The following KHDRBS2 variants were observed in gnomAD, a reference collection of about 807,000 sequenced individuals.
The protein encoded by KHDRBS2 is KH RNA binding domain containing, signal transduction associated 2, also known as KH domain-containing, RNA-binding, signal transduction-associated protein 2.
A neutral mutation model predicts 44.3 loss-of-function variants in KHDRBS2; 26 were observed. The observed-to-expected ratio is 0.59, with a 90% CI of 0.43 to 0.81. The LOEUF (loss-of-function observed/expected upper bound fraction) is 0.81, where lower values mean the gene tolerates loss of function less well. Among genes scored for constraint, KHDRBS2 ranks in the 40% least tolerant of loss-of-function variants. The probability of loss-of-function intolerance (pLI) is 0.00; values close to 1 mark genes in which losing one functional copy is unlikely to be tolerated. For synonymous variants in KHDRBS2, 194 were observed against 151.1 expected (o/e 1.28, Z -2.08); for missense variants, 476 against 433.1 (o/e 1.10, Z -0.88).
chr6:62,262,019 TAA>T (rs1838427812), intron 1 of KHDRBS2, among the ~76,000 whole-genome samples: 1 of 151,766 alleles, frequency 6.6e-6, no homozygotes, highest in African/African-American at 2.4e-5. Context: ...AAGTGTAAGA[TAA>T]TAATTTCCAT....
At chr6:62,117,397 CT>C (rs947537123) in intron 2 of KHDRBS2, among the ~76,000 whole-genome samples, 1 of 151,812 alleles carries the variant, frequency 6.6e-6, no homozygotes, top group African/African-American at 2.4e-5. Context: ...ATTTGGATAT[CT>C]TTTTTTTGAG....
chr6:62,085,759 T>C (rs960847733), intron 2 of KHDRBS2, among the ~76,000 whole-genome samples: 13 of 151,944 alleles, frequency 8.6e-5, no homozygotes, highest in African/African-American at 2.7e-4. Flanking sequence ...AGAGTTAGGG[T>C]TAGGGTTAAT....
At chr6:62,016,142 T>G (rs1370256494) in intron 3 of KHDRBS2, among the ~76,000 whole-genome samples, 2 of 152,170 alleles carry the variant, frequency 1.3e-5, no homozygotes, top group Non-Finnish European at 2.9e-5. Flanking sequence ...CATGGATATT[T>G]TAGTTTCTAG....
At chr6:61,778,817 G>C (rs1344581092) in intron 6 of KHDRBS2, among the ~76,000 whole-genome samples, 1 of 152,140 alleles carries the variant, frequency 6.6e-6, no homozygotes, top group Non-Finnish European at 1.5e-5. Context: ...GAATGGACTA[G>C]CTATTGACTG....
At chr6:62,237,382 T>C (rs1350600926) in intron 1 of KHDRBS2, among the ~76,000 whole-genome samples, 3 of 152,290 alleles carry the variant, frequency 2.0e-5, no homozygotes, top group Middle Eastern at 3.4e-3. Context: ...AACTACTCTC[T>C]AAACTCAAAA....
chr6:61,573,478 T>A, the KHDRBS2 span, among the ~76,000 whole-genome samples: 1 of 152,028 alleles, frequency 6.6e-6, no homozygotes, highest in African/African-American at 2.4e-5. Context: ...AGAAACAACT[T>A]AAAATTGATA....
chr6:61,945,553 A>T (rs372574837), intron 4 of KHDRBS2, among the ~76,000 whole-genome samples: 1 of 152,044 alleles, frequency 6.6e-6, no homozygotes, highest in Non-Finnish European at 1.5e-5. Context: ...GAATATTTTA[A>T]TATAACATTT....
chr6:61,587,363 ATC>A, the KHDRBS2 span, among the ~76,000 whole-genome samples: 123 of 149,408 alleles, frequency 8.2e-4, no homozygotes, highest in African/African-American at 2.2e-3. Flanking sequence ...GCTTTTTTTT[ATC>A]TCTCTCTCTC....
At chr6:62,073,132 T>C (rs1321047043) in intron 2 of KHDRBS2, among the ~76,000 whole-genome samples, 2 of 151,994 alleles carry the variant, frequency 1.3e-5, no homozygotes, top group African/African-American at 4.8e-5. Context: ...GAAAAGATTA[T>C]GAACATTTTA....
chr6:61,667,135 T>C, the KHDRBS2 span, among the ~76,000 whole-genome samples: 2 of 119,024 alleles, frequency 1.7e-5, no homozygotes, highest in East Asian at 2.1e-4. Context: ...CGCAAAGTAC[T>C]TTTTTTTTTT....
chr6:61,687,015 G>A (rs1766890672), intron 8 of KHDRBS2, among the ~76,000 whole-genome samples: 1 of 151,632 alleles, frequency 6.6e-6, no homozygotes, highest in Admixed American at 6.6e-5. Context: ...GCACTGCTCT[G>A]AGCATTTTAA....
At chr6:61,928,212 C>T (rs2127364465) in intron 4 of KHDRBS2, among the ~76,000 whole-genome samples, 1 of 152,202 alleles carries the variant, frequency 6.6e-6, no homozygotes, top group African/African-American at 2.4e-5. Context: ...TATTCAAATG[C>T]AGCATATAAT....
At chr6:61,817,814 C>A (rs1485813410) in intron 6 of KHDRBS2, among the ~76,000 whole-genome samples, 1 of 151,374 alleles carries the variant, frequency 6.6e-6, no homozygotes, top group Non-Finnish European at 1.5e-5. Flanking sequence ...ATTTTTAACA[C>A]TCATTTGGAA....
At chr6:61,926,191 G>A (rs1808942397) in intron 4 of KHDRBS2, among the ~76,000 whole-genome samples, 1 of 152,156 alleles carries the variant, frequency 6.6e-6, no homozygotes, top group Non-Finnish European at 1.5e-5. Flanking sequence ...GGCAAATCAT[G>A]ATAGGAGAAA....
At chr6:61,767,866 G>T (rs147088481) in intron 6 of KHDRBS2, among the ~76,000 whole-genome samples, 4 of 151,840 alleles carry the variant, frequency 2.6e-5, no homozygotes, top group African/African-American at 9.7e-5. Context: ...ATTTTTGATA[G>T]GTTCACCTTT....
At chr6:61,908,755 A>T (rs1278072171) in intron 4 of KHDRBS2, among the ~76,000 whole-genome samples, 1 of 152,196 alleles carries the variant, frequency 6.6e-6, no homozygotes, top group Admixed American at 6.5e-5. Context: ...TATTATGAAG[A>T]TAATGCTCCA....
At chr6:62,284,612 T>TA (rs2150199307) in intron 1 of KHDRBS2, among the ~76,000 whole-genome samples, 1 of 152,246 alleles carries the variant, frequency 6.6e-6, no homozygotes, top group Admixed American at 6.5e-5. Flanking sequence ...CCTTCCCACT[T>TA]ATCTATAAAA....
At chr6:61,935,768 T>A (rs1238576581) in intron 4 of KHDRBS2, among the ~76,000 whole-genome samples, 4 of 152,220 alleles carry the variant, frequency 2.6e-5, no homozygotes, top group East Asian at 3.9e-4. Flanking sequence ...AATAGTAAGA[T>A]AAAACCCATT....
At chr6:61,681,156 A>G in intron 8 of KHDRBS2, 96 bp from the exon 9 acceptor site, 1 of 826,540 alleles carries the variant, frequency 1.2e-6, no homozygotes, top group Non-Finnish European at 2.0e-6. Context: ...AAAGAAAACA[A>G]AAGATCTCAA....
Sources: allele counts gnomAD v4.1 joint callset (sites outside exome capture counted in the v4.1 genomes callset), GRCh38; gene constraint gnomAD v4.1.1; transcripts MANE v1.5; gene names NCBI Gene and HGNC (gene_info 2026-07-23, HGNC 2026-07-21).